ERCC8: variants seen among roughly 807,000 people sequenced by gnomAD.
ERCC8 encodes DNA excision repair protein ERCC-8.
ERCC8 carries 52 observed loss-of-function variants against 54.9 expected under a neutral mutation model. The ratio of observed to expected loss-of-function variants is 0.95; its 90% CI spans 0.76 to 1.19. The LOEUF is 1.19. Among genes scored for constraint, ERCC8 ranks in the 50% most tolerant of loss-of-function variants. The pLI is 0.00. For synonymous variants in ERCC8, 146 were observed against 157.2 expected (o/e 0.93, Z 0.53); for missense variants, 514 against 466.1 (o/e 1.10, Z -0.95).
chr5:60,887,344 C>G (rs924688487), intron 11 of ERCC8, 96 bp downstream of exon 11: 1 of 1,064,070 alleles, frequency 9.4e-7, no homozygotes, highest in Admixed American at 1.8e-5. Flanking sequence ...ATGCCACTGG[C>G]AAGAAATGCT....
rs181611227 is a variant in ERCC8 at position 60,888,730 on chromosome 5, T to A, written c.1042-1210A>T. 1.1e-3 allele frequency among the ~76,000 whole-genome samples: 165 copies of A among 152,326 alleles called. 4 individuals are homozygous for A. Among genetic ancestry groups the A allele is most frequent in the Admixed American group, 0.01 (157 of 15,296 alleles). On this transcript the variant is annotated intron_variant, in intron 10 of 11. Coordinates refer to ENST00000676185, the MANE Select transcript of ERCC8 (RefSeq NM_000082.4). ...TTACAAGTGCAGTCCAAAAGACTTC[T>A]TTTCCCCCTTGAATCATATGAGAGT...
intron 6 of ERCC8, among the ~76,000 whole-genome samples, chr5:60,903,053 TAA>T (rs1374839682): frequency 6.6e-6 from 1 of 151,806 alleles, no homozygotes; most frequent in Non-Finnish European, 1.5e-5. Flanking sequence ...CTTATATTAA[TAA>T]AAATTCATAA....
intron 11 of ERCC8, among the ~76,000 whole-genome samples, chr5:60,886,659 G>A (rs1301643262): frequency 2.0e-5 from 3 of 150,292 alleles, no homozygotes; most frequent in East Asian, 2.0e-4. Flanking sequence ...CCAAGATCAC[G>A]CCACTGCACT....
rs112384944 is a variant in ERCC8 at position 60,923,528 on chromosome 5, G to C, written c.174-1373C>G. Among the ~76,000 whole-genome samples, 86 of 152,202 alleles carry C rather than the reference G, an allele frequency of 5.7e-4. 1 individual carries two copies. The highest frequency in any genetic ancestry group is 2.0e-3 in the African/African-American group (83 of 41,558). On this transcript the variant is annotated intron_variant, in intron 2 of 11. Transcript: ENST00000676185. ...TTTAATTTAGGAAATAACAATAGTT[G>C]ATGAGGTATATGATAAGTTCAGAGA... is the stretch of plus-strand genomic sequence containing the variant.
intron 8 of ERCC8, among the ~76,000 whole-genome samples, chr5:60,898,681 T>C (rs1748788468): frequency 6.6e-6 from 1 of 151,824 alleles, no homozygotes; most frequent in Admixed American, 6.6e-5. Flanking sequence ...ATTAAATGTG[T>C]AGCTTAACAC....
intron 6 of ERCC8, 176 bp downstream of exon 6, chr5:60,903,472 A>G (rs927024717): frequency 3.8e-6 from 4 of 1,056,944 alleles, no homozygotes; most frequent in Middle Eastern, 3.2e-4. Flanking sequence ...TGTGTTTTCA[A>G]TGGTTCAGTT....
rs1050385954 is a variant in ERCC8, at chr5:60,904,234, T to A, written c.482-518A>T. Among the ~76,000 whole-genome samples the A allele has an allele frequency of 2.0e-5, 3 of 152,042 alleles. No homozygotes were observed. The South Asian group carries it at 6.2e-4, about 31-fold the overall frequency. On this transcript the variant is annotated intron_variant, in intron 5 of 11. Transcript: ENST00000676185. ...AGACTGAAAGGACCTCAAGACAACTTAGTTCCTAGCTCTTCTTCACAGATA... is the reference window on the plus strand; with the variant it reads ...AGACTGAAAGGACCTCAAGACAACTAAGTTCCTAGCTCTTCTTCACAGATA...
intron 2 of ERCC8, among the ~76,000 whole-genome samples, chr5:60,927,640 C>A (rs996685782): frequency 1.3e-5 from 2 of 152,206 alleles, no homozygotes; most frequent in African/African-American, 4.8e-5. Context: ...CACCAAGTGG[C>A]TGGCTGGAGT....
chr5:60,938,471 A>G (rs914775299), intron 1 of ERCC8, among the ~76,000 whole-genome samples: 2 of 148,496 alleles, frequency 1.3e-5, no homozygotes. Context: ...CTCCTGCCTC[A>G]GCCCCCCGAG....
chr5:60,944,793 A>G (rs1390942944), intron 1 of ERCC8, 139 bp downstream of exon 1: 1 of 465,796 alleles, frequency 2.1e-6, no homozygotes, highest in Admixed American at 2.7e-5. Context: ...ATCCTATTTT[A>G]GCAAGCCACA....
Position 60,922,036 on chromosome 5 carries a change from T to A in ERCC8, c.275+18A>T. The A allele has an allele frequency of 1.3e-6, 2 of 1,540,036 alleles. No individual in the cohort carries two copies. Among genetic ancestry groups the A allele is most frequent in the East Asian group, 2.3e-5 (1 of 44,358 alleles). ...AACTATTTACAAATTCATAAATTTT[T>A]ACATTTTAAATACATACCTGCCAAT... On this transcript the variant is annotated intron_variant, in intron 3 of 11. Transcript: ENST00000676185.
At chr5:60,885,831 A>G (rs1748376424) in intron 11 of ERCC8, among the ~76,000 whole-genome samples, 1 of 152,176 alleles carries the variant, frequency 6.6e-6, no homozygotes, top group African/African-American at 2.4e-5. Flanking sequence ...GATGCTATCA[A>G]CCACCTCTAT....
chr5:60,878,560 G>T (rs1316589017), intron 11 of ERCC8, among the ~76,000 whole-genome samples: 1 of 152,166 alleles, frequency 6.6e-6, no homozygotes, highest in Admixed American at 6.5e-5. Context: ...CCTGTTATTG[G>T]TCTATTCAGA....
intron 4 of ERCC8, among the ~76,000 whole-genome samples, chr5:60,910,983 T>A (rs1012139483): frequency 6.6e-6 from 1 of 152,104 alleles, no homozygotes; most frequent in East Asian, 1.9e-4. Flanking sequence ...TTTAGTTTTT[T>A]AAAAAAATAG....
At chr5:60,884,475 CAAA>C (rs71606647) in intron 11 of ERCC8, among the ~76,000 whole-genome samples, 4 of 70,818 alleles carry the variant, frequency 5.6e-5, no homozygotes, top group African/African-American at 5.4e-5. Flanking sequence ...GACTCCTTCT[CAAA>C]AAAAAAAAAA....
chr5:60,921,823 T>G (rs903040235), intron 3 of ERCC8, among the ~76,000 whole-genome samples: 1 of 151,750 alleles, frequency 6.6e-6, no homozygotes, highest in African/African-American at 2.4e-5. Flanking sequence ...AAAAATAAAA[T>G]ACTAATGAAA....
Position 60,882,603 on chromosome 5 carries a change from G to C in ERCC8, c.1122+4837C>G, listed in dbSNP as rs199871570. ...GGGGTTTCACCATATTGGCTAGGCT[G>C]GTCTTGAACTCCAGATCTTGTGATC... is the stretch of plus-strand genomic sequence containing the variant. On this transcript the variant is annotated intron_variant, in intron 11 of 11. Transcript: ENST00000676185. 2.6e-5 allele frequency among the ~76,000 whole-genome samples: 4 copies of C among 152,154 alleles called. No individual in the cohort carries two copies. In the East Asian group the frequency reaches 7.8e-4, roughly 30 times the overall value.
intron 4 of ERCC8, among the ~76,000 whole-genome samples, chr5:60,910,129 T>C (rs1440244070): frequency 6.6e-6 from 1 of 152,190 alleles, no homozygotes; most frequent in Non-Finnish European, 1.5e-5. Flanking sequence ...TTTTCAACTG[T>C]GATGGGGGTC....
At chr5:60,891,689 T>C (rs758255760) in intron 9 of ERCC8, among the ~76,000 whole-genome samples, 6 of 151,708 alleles carry the variant, frequency 4.0e-5, no homozygotes, top group African/African-American at 7.3e-5. Context: ...CTGATACTTC[T>C]TTTATTTCTG....
Sources: gnomAD v4.1 joint callset for allele counts (sites outside exome capture counted in the v4.1 genomes callset) on GRCh38, gnomAD v4.1.1 for gene constraint, MANE v1.5 for transcripts, NCBI Gene and HGNC (gene_info 2026-07-23, HGNC 2026-07-21) for gene names.